The following KLF12 variants were observed in gnomAD, a reference collection of about 807,000 sequenced individuals.
KLF12 encodes the protein KLF transcription factor 12, also known as Krueppel-like factor 12.
A neutral mutation model predicts 37.8 loss-of-function variants in KLF12; 9 were observed. That is an observed-to-expected ratio of 0.24 (90% CI 0.14 to 0.42). The LOEUF is 0.42. KLF12 is among the 10% of genes least tolerant of loss of function. The pLI is 1.00. For missense variants in KLF12, 411 were observed against 516.0 expected (o/e 0.80, Z 1.97); for synonymous variants, 208 against 202.1 (o/e 1.03, Z -0.25).
chr13:74,237,543 T>C, the KLF12 span, among the ~76,000 whole-genome samples: 1 of 147,822 alleles, frequency 6.8e-6, no homozygotes, highest in East Asian at 1.9e-4. Flanking sequence ...AGTATGGCCA[T>C]TTTCATGATA....
intron 4 of KLF12, among the ~76,000 whole-genome samples, chr13:73,836,617 C>CA: frequency 6.6e-6 from 1 of 152,222 alleles, no homozygotes; most frequent in Middle Eastern, 3.4e-3. Flanking sequence ...TCCCTTGTAG[C>CA]ATAACAGCAC....
intron 1 of KLF12, among the ~76,000 whole-genome samples, chr13:74,027,887 CTG>C (rs1427817940): frequency 6.6e-6 from 1 of 152,114 alleles, no homozygotes; most frequent in African/African-American, 2.4e-5. Flanking sequence ...TTTATTATAA[CTG>C]TACTACCAAT....
At chr13:73,888,581 T>C (rs1384281385) in intron 3 of KLF12, among the ~76,000 whole-genome samples, 3 of 152,212 alleles carry the variant, frequency 2.0e-5, no homozygotes, top group African/African-American at 7.2e-5. Context: ...GAGAAGGTTA[T>C]TGTGCTTCAG....
At chr13:74,035,917 T>C (rs1893234212) in intron 1 of KLF12, among the ~76,000 whole-genome samples, 1 of 152,210 alleles carries the variant, frequency 6.6e-6, no homozygotes, top group Admixed American at 6.5e-5. Flanking sequence ...TTACTATTCA[T>C]AACTTTAATG....
intron 3 of KLF12, among the ~76,000 whole-genome samples, chr13:73,887,562 A>G (rs992636995): frequency 2.0e-5 from 3 of 152,170 alleles, no homozygotes; most frequent in Admixed American, 6.6e-5. Context: ...CCAGAAGCTG[A>G]GCAGATGTTG....
intron 5 of KLF12, among the ~76,000 whole-genome samples, chr13:73,776,755 C>T (rs886578380): frequency 3.3e-5 from 5 of 152,158 alleles, no homozygotes; most frequent in African/African-American, 1.2e-4. Context: ...CAAATTAAAG[C>T]ACATCTGGTT....
At chr13:73,990,294 G>T (rs1004619776) in intron 2 of KLF12, among the ~76,000 whole-genome samples, 13 of 151,902 alleles carry the variant, frequency 8.6e-5, no homozygotes, top group African/African-American at 2.9e-4. Context: ...CAAGATCCAA[G>T]AAAAAATGGA....
Position 74,039,236 on chromosome 13 carries a change from C to T in KLF12, c.-31-44183G>A, listed in dbSNP as rs147616428. On this transcript the variant is annotated intron_variant, in intron 1 of 7. Coordinates refer to ENST00000377669, the MANE Select transcript of KLF12 (RefSeq NM_007249.5). ...CTAACATTACATCTGAAAAATGCTA[C>T]ATTAAGACAATATAATTCTCAGCTG... Among the ~76,000 whole-genome samples the T allele has an allele frequency of 9.6e-4, 146 of 152,204 alleles. 1 individual carries two copies. The highest frequency in any genetic ancestry group is 3.3e-3 in the African/African-American group (139 of 41,544).
In KLF12 at chr13:74,115,702, CAAA is replaced by C. The variant is rs10607202; in HGVS notation, c.-32+18034_-32+18036del. 6.6e-3 allele frequency among the ~76,000 whole-genome samples: 903 copies of C among 136,914 alleles called. 5 individuals carry two copies. Among genetic ancestry groups the C allele is most frequent in the African/African-American group, 0.011 (413 of 36,864 alleles). The allele number at this position is 136,914 out of a possible 152,430, so 89.8% of individuals were successfully genotyped here. ...CCTGGGCGACAGAGTAAAACTCTGA[CAAA>C]AAAAAAAAAAAAAAATCTTTTCCTT... On this transcript the variant is annotated intron_variant, in intron 1 of 7. Coordinates refer to ENST00000377669, the MANE Select transcript of KLF12 (RefSeq NM_007249.5).
At chr13:73,763,348 C>G (rs550090657) in intron 6 of KLF12, among the ~76,000 whole-genome samples, 3 of 152,252 alleles carry the variant, frequency 2.0e-5, no homozygotes, top group African/African-American at 7.2e-5. Flanking sequence ...GACAGGTAGG[C>G]CCTTGAGGAT....
At chr13:74,057,833 G>C (rs1191420556) in intron 1 of KLF12, among the ~76,000 whole-genome samples, 1 of 152,130 alleles carries the variant, frequency 6.6e-6, no homozygotes, top group African/African-American at 2.4e-5. Flanking sequence ...AGAAGAGAAA[G>C]ATGAAGAGTA....
intron 2 of KLF12, among the ~76,000 whole-genome samples, chr13:73,969,874 T>C (rs966099926): frequency 3.3e-5 from 5 of 152,224 alleles, no homozygotes; most frequent in Non-Finnish European, 7.3e-5. Context: ...AAATGTTTTA[T>C]GTTTACCTGT....
At chr13:74,164,879 A>G in the KLF12 span, among the ~76,000 whole-genome samples, 1 of 152,196 alleles carries the variant, frequency 6.6e-6, no homozygotes, top group Non-Finnish European at 1.5e-5. Flanking sequence ...TGATGGAGAT[A>G]GAGAGTAGAA....
chr13:73,858,848 T>A (rs1885751580), intron 3 of KLF12, among the ~76,000 whole-genome samples: 1 of 152,180 alleles, frequency 6.6e-6, no homozygotes, highest in Non-Finnish European at 1.5e-5. Flanking sequence ...GAAAACAGAA[T>A]TGTGCTCTTT....
intron 1 of KLF12, among the ~76,000 whole-genome samples, chr13:74,002,048 T>C (rs981196290): frequency 6.6e-6 from 1 of 152,240 alleles, no homozygotes; most frequent in East Asian, 1.9e-4. Context: ...GTTGACATAG[T>C]GGTCCAGAAA....
chr13:73,727,660 T>C (rs769569479), intron 6 of KLF12, among the ~76,000 whole-genome samples: 1 of 152,188 alleles, frequency 6.6e-6, no homozygotes, highest in Admixed American at 6.5e-5. Flanking sequence ...CCCCCTCAGA[T>C]TGTTCTCACA....
intron 5 of KLF12, among the ~76,000 whole-genome samples, chr13:73,790,285 C>T (rs953138196): frequency 3.3e-5 from 5 of 152,106 alleles, no homozygotes; most frequent in Non-Finnish European, 7.4e-5. Flanking sequence ...AATGGTCAAA[C>T]TTTTCATTTT....
At chr13:73,926,833 T>C (rs9318227) in intron 3 of KLF12, among the ~76,000 whole-genome samples, 118,831 of 151,788 alleles carry the variant, frequency 0.78, 47,607 homozygotes, top group Non-Finnish European at 0.87. Context: ...ATCTGTAGAA[T>C]TGTATCATTT....
intron 2 of KLF12, among the ~76,000 whole-genome samples, chr13:73,962,919 A>T (rs2139471189): frequency 6.6e-6 from 1 of 152,354 alleles, no homozygotes; most frequent in Admixed American, 6.5e-5. Flanking sequence ...AGAGTTTTGA[A>T]GAAACAGACC....
Sources: gnomAD v4.1 joint callset for allele counts (sites outside exome capture counted in the v4.1 genomes callset) on GRCh38, gnomAD v4.1.1 for gene constraint, MANE v1.5 for transcripts, NCBI Gene and HGNC (gene_info 2026-07-23, HGNC 2026-07-21) for gene names.